HOXB2: variants seen among roughly 807,000 people sequenced by gnomAD.
The protein encoded by HOXB2 is homeobox B2.
Under a neutral mutation model 13.1 loss-of-function variants are expected in HOXB2, and 14 were observed. The observed-to-expected ratio is 1.07, with a 90% CI of 0.71 to 1.67. The LOEUF (loss-of-function observed/expected upper bound fraction) is 1.67. HOXB2 is among the 40% of genes most tolerant of loss of function. HOXB2 has a pLI of 0.00. For synonymous variants in HOXB2, 261 were observed against 233.1 expected (o/e 1.12, Z -1.09); for missense variants, 582 against 488.3 (o/e 1.19, Z -1.81).
rs952567562 is a variant in HOXB2, at chr17:48,543,281, C to T, written c.858G>A (p.Glu286=). The T allele has an allele frequency of 7.5e-6, 12 of 1,603,190 alleles. No individual in the cohort carries two copies. Among genetic ancestry groups the T allele is most frequent in the Non-Finnish European group, 1.0e-5 (12 of 1,178,394 alleles). ...GCALRGAGGL[E]PGPLPEDVFS... is the part of the protein sequence containing the mutation. Reference sequence around the variant, plus strand: ...AGACGTCTTCTGGCAATGGCCCGGGCTCCAGCCCGCCGGCCCCGCGCAGCG... The same window carrying T: ...AGACGTCTTCTGGCAATGGCCCGGGTTCCAGCCCGCCGGCCCCGCGCAGCG... Residue 286 remains glutamate (E), a synonymous_variant, in exon 2 of 2, where the codon GAG becomes GAA. Transcript: ENST00000330070.
In HOXB2 at chr17:48,544,659, G is replaced by A. The variant is rs762980472; in HGVS notation, c.253C>T (p.Pro85Ser). Residue 85 changes from proline to serine, a missense_variant, in exon 1 of 2, where the codon CCA becomes TCA. Transcript: ENST00000330070. ...GPALPPPPPP[P>S]LPAAPPAPEF... is the part of the protein sequence containing the mutation. ...GGGGCCGGGGGGGCAGCGGGGAGTG[G>A]CGGCGGCGGTGGCGGCGGCAGAGCA... 2 of 1,610,676 alleles carry A rather than the reference G, an allele frequency of 1.2e-6. No homozygotes were observed. Among genetic ancestry groups the A allele is most frequent in the African/African-American group, 2.7e-5 (2 of 74,870 alleles).
rs1263480851 is a variant in HOXB2 at position 48,544,827 on chromosome 17, A to G, written c.85T>C (p.Leu29=). ...AECLTSFPAV[L]ETFQTSSIKE... Reference sequence around the variant, plus strand: ...ATTGATGAAGTTTGAAATGTCTCCAAGACAGCGGGGAAGGAAGTCAGACAC... The same window carrying G: ...ATTGATGAAGTTTGAAATGTCTCCAGGACAGCGGGGAAGGAAGTCAGACAC... Residue 29 remains leucine, a synonymous_variant, in exon 1 of 2, where the codon TTG becomes CTG. Transcript: ENST00000330070. 2 of 1,613,806 alleles carry G rather than the reference A, an allele frequency of 1.2e-6. No individual in the cohort carries two copies. Among genetic ancestry groups the G allele is most frequent in the African/African-American group, 1.3e-5 (1 of 74,916 alleles).
intron 1 of HOXB2, chr17:48,543,998 T>G: frequency 4.0e-6 from 5 of 1,262,464 alleles, no homozygotes; most frequent in Non-Finnish European, 2.0e-6. Flanking sequence ...GGAGAGCGGC[T>G]CCCTTCGGCG....
At position 48,544,948 on chromosome 17, in the gene HOXB2, G is replaced by GGGGGGGGC; in HGVS notation, c.-38_-37insGCCCCCCC. ...GTGGGGGAGGGGGCTGCTGGGGGGGGCGTCAGGAGGGAGGATCGGAAGGGA... is the reference window on the plus strand; with the variant it reads ...GTGGGGGAGGGGGCTGCTGGGGGGGGGGGGGGGCCGTCAGGAGGGAGGATCGGAAGGGA... On this transcript the variant is annotated 5_prime_UTR_variant, in exon 1 of 2. Coordinates refer to ENST00000330070, the MANE Select transcript of HOXB2 (RefSeq NM_002145.4). The GGGGGGGGC allele has an allele frequency of 2.9e-6, 3 of 1,051,198 alleles. No homozygotes were observed. Among genetic ancestry groups the GGGGGGGGC allele is most frequent in the Non-Finnish European group, 4.0e-6 (3 of 749,870 alleles). The allele number at this position is 1,051,198 out of a possible 1,614,324, so 65.1% of individuals were successfully genotyped here.
Position 48,542,887 on chromosome 17 carries a change from G to T in HOXB2, c.*181C>A. 2.3e-6 allele frequency: 1 copy of T among 443,130 alleles called. No homozygotes were observed. Among genetic ancestry groups the T allele is most frequent in the Non-Finnish European group, 3.9e-6 (1 of 253,836 alleles). The allele number at this position is 443,130 out of a possible 1,614,324, so 27.4% of individuals were successfully genotyped here. A position where few individuals can be genotyped will look rare whatever the true frequency, so the allele number is the denominator to read the frequency against. On this transcript the variant is annotated 3_prime_UTR_variant, in exon 2 of 2. Coordinates refer to ENST00000330070, the MANE Select transcript of HOXB2 (RefSeq NM_002145.4). ...GAATTTTTCTGTGTGAATTTTAAAAGATAACCGAGTGCCCAATATTTTAGA... is the reference window on the plus strand; with the variant it reads ...GAATTTTTCTGTGTGAATTTTAAAATATAACCGAGTGCCCAATATTTTAGA...
chr17:48,544,948 G>GGGGGGGGGGGGGGGGC lies in HOXB2; in HGVS notation c.-38_-37insGCCCCCCCCCCCCCCC. On this transcript the variant is annotated 5_prime_UTR_variant, in exon 1 of 2. Coordinates refer to ENST00000330070, the MANE Select transcript of HOXB2 (RefSeq NM_002145.4). ...GTGGGGGAGGGGGCTGCTGGGGGGG[G>GGGGGGGGGGGGGGGGC]CGTCAGGAGGGAGGATCGGAAGGGA... 9.5e-7 allele frequency: 1 copy of GGGGGGGGGGGGGGGGC among 1,051,212 alleles called. No homozygotes were observed. The highest frequency in any genetic ancestry group is 1.3e-6 in the Non-Finnish European group (1 of 749,884). 65.1% of individuals were successfully genotyped at this position (1,051,212 alleles called of 1,614,324 possible).
intron 1 of HOXB2, chr17:48,543,975 C>A: frequency 5.4e-6 from 7 of 1,295,544 alleles, no homozygotes; most frequent in Non-Finnish European, 6.8e-6. Context: ...CGCCCACGGG[C>A]CACGCAGGGG....
At position 48,544,875 on chromosome 17, in the gene HOXB2, T is replaced by C; in HGVS notation, c.37A>G (p.Asn13Asp). ...CACTCGGCGAGCGACGGCTGGCTGT[T>C]TATAAACCCAATCTCCCTCTCAAAT... ...FEFEREIGFI[N>D]SQPSLAECLT... Residue 13 changes from asparagine to aspartate, a missense_variant, in exon 1 of 2, where the codon AAC (asparagine) becomes GAC (aspartate). Asn to Asp is a conservative substitution (Grantham distance 23, BLOSUM62 1). Coordinates refer to ENST00000330070, the MANE Select transcript of HOXB2 (RefSeq NM_002145.4). 1 of 1,609,020 alleles carries C rather than the reference T, an allele frequency of 6.2e-7. No individual in the cohort carries two copies. The highest frequency in any genetic ancestry group is 1.7e-5 in the Admixed American group (1 of 59,824).
chr17:48,543,901 G>A (rs2068536167), intron 1 of HOXB2, 154 bp from the exon 2 acceptor site: 1 of 1,376,986 alleles, frequency 7.3e-7, no homozygotes. Context: ...TACTGCTTTT[G>A]GGTTTTCTTC....
At position 48,545,041 on chromosome 17, in the gene HOXB2, CT is replaced by C. The variant is rs901811939; in HGVS notation, c.-131del. ...TTGGGAGGGGGAGATTTCGGTCTCTCTTTTTTTTAATTTTGGGCCTTTATAA... is the reference window on the plus strand; with the variant it reads ...TTGGGAGGGGGAGATTTCGGTCTCTCTTTTTTTAATTTTGGGCCTTTATAA... On this transcript the variant is annotated 5_prime_UTR_variant, in exon 1 of 2. Transcript: ENST00000330070. The C allele has an allele frequency of 5.8e-5, 44 of 758,316 alleles. No individual in the cohort carries two copies. The highest frequency in any genetic ancestry group is 7.0e-5 in the Non-Finnish European group (34 of 488,278). The allele number at this position is 758,316 out of a possible 1,614,324, so 47.0% of individuals were successfully genotyped here.
chr17:48,544,797 C>G lies in HOXB2; in HGVS notation c.115G>C (p.Glu39Gln). Residue 39 changes from glutamate (E) to glutamine (Q), a missense_variant, in exon 1 of 2, where the codon GAG becomes CAG. Glu to Gln is a conservative substitution (Grantham distance 29). Transcript: ENST00000330070. ...LETFQTSSIK[E>Q]STLIPPPPPF... is the part of the protein sequence containing the mutation. ...GGAGGAGGAGGAATTAATGTCGACT[C>G]CTTGATTGATGAAGTTTGAAATGTC... 1 of 1,614,016 alleles carries G rather than the reference C, an allele frequency of 6.2e-7. No individual in the cohort carries two copies. The highest frequency in any genetic ancestry group is 1.1e-5 in the South Asian group (1 of 91,066).
chr17:48,544,948 G>GGGGC lies in HOXB2; in HGVS notation c.-38_-37insGCCC. 2.9e-6 allele frequency: 3 copies of GGGGC among 1,051,210 alleles called. No individual in the cohort carries two copies. The highest frequency in any genetic ancestry group is 4.0e-6 in the Non-Finnish European group (3 of 749,880). The allele number at this position is 1,051,210 out of a possible 1,614,324, so 65.1% of individuals were successfully genotyped here. ...GTGGGGGAGGGGGCTGCTGGGGGGG[G>GGGGC]CGTCAGGAGGGAGGATCGGAAGGGA... On this transcript the variant is annotated 5_prime_UTR_variant, in exon 1 of 2. Transcript: ENST00000330070.
rs2068509669 is a variant in HOXB2 at position 48,542,703 on chromosome 17, T to C, written c.*365A>G. On this transcript the variant is annotated 3_prime_UTR_variant, in exon 2 of 2. Coordinates refer to ENST00000330070, the MANE Select transcript of HOXB2 (RefSeq NM_002145.4). ...TTTAATCTATGAAAATAATGTACAATAAATACTTTCCCCTTTTCCTATTAT... is the reference window on the plus strand; with the variant it reads ...TTTAATCTATGAAAATAATGTACAACAAATACTTTCCCCTTTTCCTATTAT... 1 of 166,664 alleles carries C rather than the reference T, an allele frequency of 6.0e-6. No homozygotes were observed. The highest frequency in any genetic ancestry group is 1.3e-5 in the Non-Finnish European group (1 of 77,724). 10.3% of individuals were successfully genotyped at this position (166,664 alleles called of 1,614,324 possible).
At chr17:48,543,871 C>T in intron 1 of HOXB2, 124 bp from the exon 2 acceptor site, 1 of 1,199,402 alleles carries the variant, frequency 8.3e-7, no homozygotes, top group Non-Finnish European at 1.1e-6. Context: ...CCCCCGCCCC[C>T]ACCCCAAAGC....
intron 1 of HOXB2, 145 bp downstream of exon 1, chr17:48,544,376 T>C: frequency 7.0e-7 from 1 of 1,430,216 alleles, no homozygotes. Flanking sequence ...TGAACCCCAG[T>C]GGGATATTCT....
Position 48,544,935 on chromosome 17 carries a change from G to GC in HOXB2, c.-25dup, listed in dbSNP as rs2068554552. On this transcript the variant is annotated 5_prime_UTR_variant, in exon 1 of 2. Transcript: ENST00000330070. ...ATGGCTTTCAATGGTGGGGGAGGGG[G>GC]CTGCTGGGGGGGGCGTCAGGAGGGA... The GC allele has an allele frequency of 7.9e-7, 1 of 1,261,540 alleles. No homozygotes were observed. Among genetic ancestry groups the GC allele is most frequent in the Non-Finnish European group, 1.1e-6 (1 of 917,484 alleles). 78.1% of individuals were successfully genotyped at this position (1,261,540 alleles called of 1,614,324 possible).
chr17:48,544,246 C>G, intron 1 of HOXB2: 1 of 1,359,436 alleles, frequency 7.4e-7, no homozygotes, highest in Non-Finnish European at 9.4e-7. Flanking sequence ...AAACCTCAAT[C>G]AAATCATTTT....
In HOXB2 at chr17:48,543,704, C is replaced by T. The variant is rs144081108; in HGVS notation, c.435G>A (p.Arg145=). 1.1e-4 allele frequency: 181 copies of T among 1,608,928 alleles called. No individual in the cohort carries two copies. The African/African-American group carries it at 2.2e-3, about 20-fold the overall frequency. ...GCGTGTTGGTGTAAGCCGTGCGCAG[C>T]CTGCGCGCCCCGCCGCCACCAGCCT... ...LPEAGGGGAR[R]LRTAYTNTQL... is the part of the protein sequence containing the mutation. The change falls in exon 2 of 2, where the codon AGG becomes AGA. Residue 145 remains arginine (R), a synonymous_variant. Coordinates refer to ENST00000330070, the MANE Select transcript of HOXB2 (RefSeq NM_002145.4).
rs1340480864 is a variant in HOXB2, at chr17:48,543,489, G to T, written c.650C>A (p.Ala217Asp). ...GGCAGGGTCGCAGATGTCCTCCAGGGCTCCCGGGCAGGCAGGCTCCCCATC... is the reference window on the plus strand; with the variant it reads ...GGCAGGGTCGCAGATGTCCTCCAGGTCTCCCGGGCAGGCAGGCTCCCCATC... ...PPDGEPACPG[A>D]LEDICDPAEE... The change falls in exon 2 of 2, where the codon GCC (alanine) becomes GAC (aspartate). Residue 217 changes from alanine to aspartate, a missense_variant. Transcript: ENST00000330070. 1.9e-6 allele frequency: 3 copies of T among 1,611,892 alleles called. No individual in the cohort carries two copies. The highest frequency in any genetic ancestry group is 2.5e-6 in the Non-Finnish European group (3 of 1,179,838).
Sources: gnomAD v4.1 joint callset for allele counts on GRCh38, gnomAD v4.1.1 for gene constraint, MANE v1.5 for transcripts, NCBI Gene and HGNC (gene_info 2026-07-23, HGNC 2026-07-21) for gene names.